COL4A2: variants seen among roughly 807,000 people sequenced by gnomAD.
COL4A2 encodes collagen alpha-2(IV) chain.
In COL4A2, 99 loss-of-function variants were observed where a neutral mutation model predicts 200.2. That is an observed-to-expected ratio of 0.49 (90% confidence interval 0.42 to 0.58). COL4A2 has a LOEUF of 0.58. Among genes scored for constraint, COL4A2 ranks in the 20% least tolerant of loss-of-function variants. The pLI is 0.00. For synonymous variants in COL4A2, 897 were observed against 900.6 expected (o/e 1.00, Z 0.07); for missense variants, 1,950 against 2,314.1 (o/e 0.84, Z 3.23).
At chr13:110,355,768 C>T (rs1277423813) in intron 3 of COL4A2, among the ~76,000 whole-genome samples, 1 of 53,694 alleles carries the variant, frequency 1.9e-5, no homozygotes, top group East Asian at 9.4e-4. Context: ...ACTAGCTCAC[C>T]TGTGTGTGGG....
chr13:110,375,798 C>G (rs1193604989), intron 4 of COL4A2, among the ~76,000 whole-genome samples: 2 of 152,062 alleles, frequency 1.3e-5, no homozygotes, highest in African/African-American at 4.8e-5. Flanking sequence ...CCGCTGCACT[C>G]CAGCCTGGAT....
In COL4A2 at chr13:110,307,721, TG is replaced by T. The variant is rs569672290; in HGVS notation, c.-44-132del. 5.8e-4 allele frequency: 448 copies of T among 769,298 alleles called. 1 individual carries two copies. The African/African-American group carries it at 6.5e-3, about 11-fold the overall frequency. 47.7% of individuals were successfully genotyped at this position (769,298 alleles called of 1,614,324 possible). A position where few individuals can be genotyped will look rare whatever the true frequency, so the allele number is the denominator to read the frequency against. The stretch of plus-strand genomic sequence containing the variant: ...GGAGGCTCTCCTTCTTTCCGGGTCG[TG>T]GGGGGGACGGCCCTCCGGTCACCCC... On this transcript the variant is annotated intron_variant, in intron 1 of 47. Coordinates refer to ENST00000360467, the MANE Select transcript of COL4A2 (RefSeq NM_001846.4). This position sits in a 1 kb window ranked among gnomAD's most constrained non-coding sequence, Gnocchi z 5.0.
chr13:110,325,329 C>A (rs765846904), intron 3 of COL4A2, among the ~76,000 whole-genome samples: 1 of 152,214 alleles, frequency 6.6e-6, no homozygotes, highest in African/African-American at 2.4e-5. Context: ...CCTGTTACCT[C>A]CCTAAGTTGT....
intron 32 of COL4A2, among the ~76,000 whole-genome samples, chr13:110,484,392 C>A (rs528918689): frequency 5.3e-5 from 8 of 152,094 alleles, no homozygotes; most frequent in African/African-American, 1.7e-4. Context: ...CACAGTTTCC[C>A]GCCCGGCCCG....
In COL4A2 at chr13:110,503,188, C is replaced by CCCAGGAGCT. The variant is rs755346457; in HGVS notation, c.3952_3960dup (p.Ala1318_Gly1320dup). 3 of 1,613,924 alleles carry CCCAGGAGCT rather than the reference C, an allele frequency of 1.9e-6. No homozygotes were observed. Among genetic ancestry groups the CCCAGGAGCT allele is most frequent in the Non-Finnish European group, 2.5e-6 (3 of 1,180,012 alleles). ...CTGGAAGCAAAGGTGACACAGGGAACCCAGGAGCTCCAGGAACCCCAGGGA... is the reference window on the plus strand; with the variant it reads ...CTGGAAGCAAAGGTGACACAGGGAACCCAGGAGCTCCAGGAGCTCCAGGAACCCCAGGGA... On this transcript the variant is annotated inframe_insertion, in exon 42 of 48. Coordinates refer to ENST00000360467, the MANE Select transcript of COL4A2 (RefSeq NM_001846.4).
At chr13:110,451,796 C>T (rs904730339) in intron 20 of COL4A2, among the ~76,000 whole-genome samples, 6 of 152,164 alleles carry the variant, frequency 3.9e-5, no homozygotes, top group African/African-American at 1.2e-4. Context: ...TTATGTGTGG[C>T]CCAAGACAAT....
chr13:110,458,629 G>T, intron 21 of COL4A2, 142 bp from the exon 22 acceptor site: 1 of 918,604 alleles, frequency 1.1e-6, no homozygotes, highest in Non-Finnish European at 1.7e-6. Context: ...CTAAGAAATG[G>T]GGGTCATAGT....
At chr13:110,427,285 G>A (rs760008088) in intron 6 of COL4A2, among the ~76,000 whole-genome samples, 6 of 152,142 alleles carry the variant, frequency 3.9e-5, no homozygotes, top group Non-Finnish European at 5.9e-5. Context: ...GAGTAGCTGG[G>A]ATTACAGGTG....
In COL4A2 at chr13:110,465,622, C is replaced by G; in HGVS notation, c.1978+16C>G. 1 of 1,590,856 alleles carries G rather than the reference C, an allele frequency of 6.3e-7. No individual in the cohort carries two copies. Among genetic ancestry groups the G allele is most frequent in the Non-Finnish European group, 8.6e-7 (1 of 1,167,912 alleles). On this transcript the variant is annotated intron_variant, in intron 25 of 47. Transcript: ENST00000360467. ...GGACAAATAGGTATGAAGGAATCCT[C>G]CCTTTTACCTTTCACAGTCCTGAGA...
chr13:110,464,155 A>T (rs1882140382), intron 24 of COL4A2, among the ~76,000 whole-genome samples: 2 of 152,132 alleles, frequency 1.3e-5, no homozygotes, highest in Admixed American at 6.5e-5. Flanking sequence ...GTGCCTTGTG[A>T]AGTTGGTGAC....
intron 3 of COL4A2, among the ~76,000 whole-genome samples, chr13:110,321,844 A>T (rs1177717518): frequency 2.6e-5 from 4 of 152,210 alleles, no homozygotes; most frequent in African/African-American, 9.7e-5. Context: ...ACTAGATCTC[A>T]GGAGAACTCA....
intron 46 of COL4A2, among the ~76,000 whole-genome samples, chr13:110,506,859 C>T (rs1883904828): frequency 6.6e-6 from 1 of 152,108 alleles, no homozygotes. Flanking sequence ...CGCAGGCTCC[C>T]ATGTGACCCG....
In COL4A2 at chr13:110,392,560, G is replaced by T. The variant is rs377476052; in HGVS notation, c.181-32174G>T. The stretch of plus-strand genomic sequence containing the variant: ...AGTATGTGAAAAATGCCTGTGAATT[G>T]TTCACCCAAAAATGTATTGTGCAGC... On this transcript the variant is annotated intron_variant, in intron 4 of 47. Coordinates refer to ENST00000360467, the MANE Select transcript of COL4A2 (RefSeq NM_001846.4). 2.6e-5 allele frequency among the ~76,000 whole-genome samples: 4 copies of T among 152,224 alleles called. No homozygotes were observed. In the South Asian group the frequency reaches 8.3e-4, roughly 32 times the overall value.
chr13:110,383,952 G>T (rs1878588751), intron 4 of COL4A2, among the ~76,000 whole-genome samples: 1 of 152,158 alleles, frequency 6.6e-6, no homozygotes, highest in Admixed American at 6.5e-5. Context: ...TCACACTGAT[G>T]CACTTGGCCA....
chr13:110,384,176 T>G (rs1444156481), intron 4 of COL4A2, among the ~76,000 whole-genome samples: 1 of 152,180 alleles, frequency 6.6e-6, no homozygotes, highest in Non-Finnish European at 1.5e-5. Flanking sequence ...ATCTATAAAG[T>G]AGCAAAATTG....
At chr13:110,506,171 G>T (rs114047506) in intron 45 of COL4A2, among the ~76,000 whole-genome samples, 1 of 151,474 alleles carries the variant, frequency 6.6e-6, no homozygotes, top group Admixed American at 6.6e-5. Flanking sequence ...GCACTAGGCC[G>T]TCCACTCTCT....
chr13:110,397,937 T>C (rs1879236682), intron 4 of COL4A2, among the ~76,000 whole-genome samples: 1 of 152,194 alleles, frequency 6.6e-6, no homozygotes, highest in South Asian at 2.1e-4. Context: ...ATCCTTGCTT[T>C]AAGAGCAGCT....
chr13:110,430,895 A>G, intron 10 of COL4A2: 1 of 618,616 alleles, frequency 1.6e-6, no homozygotes, highest in East Asian at 3.5e-5. Flanking sequence ...ATACCTACCC[A>G]GTGACAGACA....
chr13:110,470,162 C>T (rs894962685), intron 28 of COL4A2, among the ~76,000 whole-genome samples: 10 of 152,196 alleles, frequency 6.6e-5, no homozygotes, highest in African/African-American at 1.7e-4. Flanking sequence ...GTGATCTGCC[C>T]GCCTCAGCCT....
Sources: allele counts gnomAD v4.1 joint callset (sites outside exome capture counted in the v4.1 genomes callset), GRCh38; gene constraint gnomAD v4.1.1; non-coding constraint Gnocchi (gnomAD v3.1); transcripts MANE v1.5; gene names NCBI Gene and HGNC (gene_info 2026-07-23, HGNC 2026-07-21).